Variants in KCNK9 observed in about 807,000 individuals in gnomAD.
KCNK9 encodes potassium two pore domain channel subfamily K member 9.
A neutral mutation model predicts 10.8 loss-of-function variants in KCNK9; 1 was observed. That is an observed-to-expected ratio of 0.09 (90% CI 0.03 to 0.44). The LOEUF (loss-of-function observed/expected upper bound fraction) is 0.44, where lower values mean the gene tolerates loss of function less well. Among genes scored for constraint, KCNK9 ranks in the 20% least tolerant of loss-of-function variants. KCNK9 has a pLI of 0.97. For synonymous variants in KCNK9, 231 were observed against 222.7 expected (o/e 1.04, Z -0.33); for missense variants, 303 against 515.0 (o/e 0.59, Z 3.98).
intron 1 of KCNK9, among the ~76,000 whole-genome samples, chr8:139,637,576 ATGGAAGCAGAGAATAG>A (rs1251673369): frequency 6.6e-6 from 1 of 152,214 alleles, no homozygotes; most frequent in Non-Finnish European, 1.5e-5. Flanking sequence ...AGTCAAACTC[ATGGAAGCAGAGAATAG>A]TGGTTAATAA....
Position 139,618,015 on chromosome 8 carries a change from A to T in KCNK9, c.*243T>A. ...TAGTCTGCTGGGAAGGAAGGAGGAG[A>T]TCCATGCTTCATGCTCAGATGTGAG... On this transcript the variant is annotated 3_prime_UTR_variant, in exon 2 of 2. Coordinates refer to ENST00000520439, the MANE Select transcript of KCNK9 (RefSeq NM_001282534.2). The surrounding 1 kb of genome is among the most constrained non-coding windows in gnomAD (Gnocchi z 7.9). The T allele has an allele frequency of 5.6e-6, 3 of 531,090 alleles. No individual in the cohort carries two copies. In the South Asian group the frequency reaches 6.5e-5, roughly 11 times the overall value. 32.9% of individuals were successfully genotyped at this position (531,090 alleles called of 1,614,324 possible). A position where few individuals can be genotyped will look rare whatever the true frequency, so the allele number is the denominator to read the frequency against.
intron 1 of KCNK9, among the ~76,000 whole-genome samples, chr8:139,683,481 C>T (rs10101804): frequency 0.71 from 108,375 of 152,154 alleles, 38,948 homozygotes; most frequent in Non-Finnish European, 0.74. Flanking sequence ...GTGGCCTCTG[C>T]CTTCAGCAGC....
chr8:139,639,382 C>G (rs1274158598), intron 1 of KCNK9, among the ~76,000 whole-genome samples: 1 of 152,224 alleles, frequency 6.6e-6, no homozygotes, highest in Non-Finnish European at 1.5e-5. Context: ...TGCATCTGCT[C>G]ATTTTGCAAG....
intron 1 of KCNK9, among the ~76,000 whole-genome samples, chr8:139,654,997 G>C (rs984141086): frequency 2.6e-5 from 4 of 152,150 alleles, no homozygotes; most frequent in African/African-American, 9.7e-5. Context: ...CAGCTAAAGA[G>C]ACAGTTCCAG....
At chr8:139,649,929 A>G (rs956909595) in intron 1 of KCNK9, among the ~76,000 whole-genome samples, 1 of 152,164 alleles carries the variant, frequency 6.6e-6, no homozygotes, top group African/African-American at 2.4e-5. Context: ...CTCCCCAAGG[A>G]AAGAGGTGGG....
chr8:139,685,514 T>C (rs1332371307), intron 1 of KCNK9, among the ~76,000 whole-genome samples: 1 of 152,198 alleles, frequency 6.6e-6, no homozygotes, highest in Non-Finnish European at 1.5e-5. Flanking sequence ...CTCCCACCTA[T>C]GAGTGAGAAC....
chr8:139,638,399 A>G (rs751500842), intron 1 of KCNK9, among the ~76,000 whole-genome samples: 1 of 152,226 alleles, frequency 6.6e-6, no homozygotes, highest in African/African-American at 2.4e-5. Context: ...ACAGGTGACT[A>G]TATGAATGAA....
Position 139,618,574 on chromosome 8 carries a change from C to T in KCNK9, c.809G>A (p.Ser270Asn), listed in dbSNP as rs771647266. 1.2e-6 allele frequency: 2 copies of T among 1,613,724 alleles called. No homozygotes were observed. Among genetic ancestry groups the T allele is most frequent in the South Asian group, 1.1e-5 (1 of 91,074 alleles). ...CTCCTCAGGGATGTGAATGACCATG[C>T]TGTTGCGGTTTCCGGCGAGGGATGC... is the stretch of plus-strand genomic sequence containing the variant. ...ERASLAGNRN[S>N]MVIHIPEEPR... is the part of the protein sequence containing the mutation. The change falls in exon 2 of 2, where the codon AGC becomes AAC. Residue 270 changes from serine (S) to asparagine (N), a missense_variant. Ser to Asn is a conservative substitution (Grantham distance 46, BLOSUM62 1). This residue lies in a region of KCNK9 where 138 missense variants were observed against 161.1 expected (regional missense o/e 0.86). Coordinates refer to ENST00000520439, the MANE Select transcript of KCNK9 (RefSeq NM_001282534.2). The surrounding 1 kb of genome is among the most constrained non-coding windows in gnomAD (Gnocchi z 7.9).
intron 1 of KCNK9, among the ~76,000 whole-genome samples, chr8:139,624,630 T>C (rs1382227820): frequency 2.6e-5 from 4 of 152,060 alleles, no homozygotes; most frequent in African/African-American, 9.7e-5. Flanking sequence ...AACCCCCAGC[T>C]CAGCCCAGCC....
chr8:139,645,292 C>T (rs3780053), intron 1 of KCNK9, among the ~76,000 whole-genome samples: 56,258 of 152,022 alleles, frequency 0.37, 13,021 homozygotes, highest in South Asian at 0.56. Flanking sequence ...CTTCTAAAGG[C>T]TCAGACCGGC....
intron 1 of KCNK9, among the ~76,000 whole-genome samples, chr8:139,624,238 C>T (rs370311918): frequency 3.3e-5 from 5 of 152,210 alleles, no homozygotes; most frequent in African/African-American, 7.2e-5. Context: ...GACCTGGTAC[C>T]GGTCCAGATG....
intron 1 of KCNK9, among the ~76,000 whole-genome samples, chr8:139,627,178 C>T (rs543057525): frequency 6.6e-6 from 1 of 152,322 alleles, no homozygotes; most frequent in South Asian, 2.1e-4. Context: ...TGGAATGAAG[C>T]AGCCTCCTCC....
intron 1 of KCNK9, among the ~76,000 whole-genome samples, chr8:139,620,758 C>G (rs932729706): frequency 1.3e-5 from 2 of 152,156 alleles, no homozygotes; most frequent in African/African-American, 4.8e-5. Context: ...CTCTGAAACC[C>G]CTTAGTCCTT....
At chr8:139,697,543 T>C (rs1369335187) in intron 1 of KCNK9, among the ~76,000 whole-genome samples, 2 of 151,880 alleles carry the variant, frequency 1.3e-5, no homozygotes, top group East Asian at 3.9e-4. Flanking sequence ...GAGTACATTG[T>C]GAATGGAGAG....
chr8:139,672,853 C>A (rs770687125), intron 1 of KCNK9, among the ~76,000 whole-genome samples: 2 of 152,228 alleles, frequency 1.3e-5, no homozygotes, highest in African/African-American at 4.8e-5. Context: ...GGTCCCAAGC[C>A]CCGGGGCACC....
At chr8:139,700,510 G>T (rs199210) in intron 1 of KCNK9, among the ~76,000 whole-genome samples, 2 of 117,248 alleles carry the variant, frequency 1.7e-5, no homozygotes. Context: ...ACACACACAC[G>T]CGCGCGCGCG....
intron 1 of KCNK9, among the ~76,000 whole-genome samples, chr8:139,631,370 G>T (rs184197742): frequency 1.3e-5 from 2 of 152,152 alleles, no homozygotes. Flanking sequence ...CCCTTTGCGG[G>T]GTCAGTGGTA....
downstream of KCNK9, among the ~76,000 whole-genome samples, chr8:139,610,414 T>G (rs918441058): frequency 6.6e-6 from 1 of 152,222 alleles, no homozygotes; most frequent in African/African-American, 2.4e-5. Context: ...CCAAGTAAGC[T>G]TAAGAATTTC....
intron 1 of KCNK9, among the ~76,000 whole-genome samples, chr8:139,619,314 G>A (rs893480623): frequency 1.9e-4 from 29 of 152,076 alleles, no homozygotes; most frequent in African/African-American, 7.0e-4. Context: ...TTAGGGGATG[G>A]CAGGGGGGTA....
Sources: allele counts gnomAD v4.1 joint callset (sites outside exome capture counted in the v4.1 genomes callset), GRCh38; gene constraint gnomAD v4.1.1; regional missense constraint gnomAD v4.1.1; non-coding constraint Gnocchi (gnomAD v3.1); transcripts MANE v1.5; gene names NCBI Gene and HGNC (gene_info 2026-07-23, HGNC 2026-07-21).